Variants in ENPP3 observed in about 807,000 individuals in gnomAD.
The protein encoded by ENPP3 is ectonucleotide pyrophosphatase/phosphodiesterase 3, also known as ectonucleotide pyrophosphatase/phosphodiesterase family member 3.
ENPP3 carries 104 observed loss-of-function variants against 117.8 expected under a neutral mutation model. The ratio of observed to expected loss-of-function variants is 0.88; its 90% confidence interval spans 0.75 to 1.04. ENPP3 has a LOEUF of 1.04. Among genes scored for constraint, ENPP3 ranks in the 50% least tolerant of loss-of-function variants. ENPP3 has a pLI of 0.00. For missense variants in ENPP3, 1,026 were observed against 1,051.9 expected, an observed-to-expected ratio of 0.98 and a Z score of 0.34; for synonymous variants, 380 against 349.9, an observed-to-expected ratio of 1.09 and a Z score of -0.96.
intron 23 of ENPP3, among the ~76,000 whole-genome samples, chr6:131,739,572 G>A (rs1464507959): frequency 6.6e-6 from 1 of 150,492 alleles, no homozygotes; most frequent in African/African-American, 2.4e-5. Flanking sequence ...GGAAATGCAG[G>A]AGGCAGAATA....
intron 6 of ENPP3, among the ~76,000 whole-genome samples, chr6:131,661,842 T>C (rs1422329311): frequency 6.6e-6 from 1 of 152,248 alleles, no homozygotes; most frequent in Non-Finnish European, 1.5e-5. Context: ...CCCCATTTCA[T>C]ATGTTGCCTT....
intron 24 of ENPP3, among the ~76,000 whole-genome samples, chr6:131,744,442 T>C (rs1396555913): frequency 6.6e-6 from 1 of 152,070 alleles, no homozygotes; most frequent in Non-Finnish European, 1.5e-5. Context: ...GGGGAGAAAG[T>C]GGAAAGAAAA....
chr6:131,638,414 A>G (rs747162829), intron 1 of ENPP3: 2 of 426,600 alleles, frequency 4.7e-6, no homozygotes, highest in South Asian at 3.4e-5. Flanking sequence ...CATGTTCTCT[A>G]ATAGTCTTTT....
chr6:131,721,610 A>G (rs981790742), intron 17 of ENPP3, among the ~76,000 whole-genome samples: 4 of 149,272 alleles, frequency 2.7e-5, no homozygotes, highest in African/African-American at 1.0e-4. Context: ...TACATTTTGT[A>G]TTATGTATTT....
intron 3 of ENPP3, 127 bp from the exon 4 acceptor site, chr6:131,652,415 T>G: frequency 1.0e-6 from 1 of 999,130 alleles, no homozygotes; most frequent in Non-Finnish European, 1.5e-6. Flanking sequence ...ATTATGTATT[T>G]TCATTTATTA....
Position 131,650,036 on chromosome 6 carries a change from G to A in ENPP3, c.164G>A (p.Arg55Lys). 1 of 1,613,960 alleles carries A rather than the reference G, an allele frequency of 6.2e-7. No homozygotes were observed. The highest frequency in any genetic ancestry group is 8.5e-7 in the Non-Finnish European group (1 of 1,179,922). The change falls in exon 3 of 25, where the codon AGG becomes AAG. Residue 55 changes from arginine to lysine, a missense_variant. By Grantham distance (26) the Arg-to-Lys change is conservative. Coordinates refer to ENST00000357639, the MANE Select transcript of ENPP3 (RefSeq NM_005021.5). ...TTCCTTTACTTTGTAGGCAGCTGCA[G>A]GAAGAAGTGCTTTGATGCATCATTT... is the stretch of plus-strand genomic sequence containing the variant. ...LRKLEKQGSC[R>K]KKCFDASFRG...
Position 131,650,018 on chromosome 6 carries a change from A to G in ENPP3, c.155-9A>G, listed in dbSNP as rs763406606. 3.3e-5 allele frequency: 53 copies of G among 1,613,398 alleles called. No individual in the cohort carries two copies. The Admixed American group carries it at 8.7e-4, about 26-fold the overall frequency. On this transcript the variant is annotated splice_polypyrimidine_tract_variant and intron_variant, in intron 2 of 24. Coordinates refer to ENST00000357639, the MANE Select transcript of ENPP3 (RefSeq NM_005021.5). The stretch of plus-strand genomic sequence containing the variant: ...TAAATGTTCGGGCCCTATTTCCTTT[A>G]CTTTGTAGGCAGCTGCAGGAAGAAG...
chr6:131,724,127 T>A (rs1780097058), intron 19 of ENPP3, 36 bp downstream of exon 19: 1 of 1,462,914 alleles, frequency 6.8e-7, no homozygotes, highest in East Asian at 2.3e-5. Flanking sequence ...TCTTTGATAT[T>A]TAGACCTAAC....
At chr6:131,678,958 T>TTTCTTTCTTTCCTTCC (rs780684077) in intron 11 of ENPP3, among the ~76,000 whole-genome samples, 26 of 82,952 alleles carry the variant, frequency 3.1e-4, no homozygotes, top group Admixed American at 7.5e-4. Context: ...TCTTTCTTTC[T>TTTCTTTCTTTCCTTCC]TTCCTTCCTT....
intron 15 of ENPP3, among the ~76,000 whole-genome samples, chr6:131,715,640 A>G (rs985794817): frequency 2.0e-5 from 3 of 151,552 alleles, no homozygotes; most frequent in African/African-American, 4.9e-5. Flanking sequence ...CCACTCCACA[A>G]CCAGGCAGAT....
chr6:131,732,344 G>A (rs1322731957), intron 20 of ENPP3, among the ~76,000 whole-genome samples: 1 of 152,086 alleles, frequency 6.6e-6, no homozygotes, highest in Non-Finnish European at 1.5e-5. Flanking sequence ...CTCGAGTTAG[G>A]CAGCACATTT....
intron 21 of ENPP3, 125 bp downstream of exon 21, chr6:131,733,848 C>A: frequency 1.0e-6 from 1 of 974,564 alleles, no homozygotes. Flanking sequence ...GCCTGAGAGG[C>A]TTCCAGTGGT....
At position 131,701,268 on chromosome 6, in the gene ENPP3, A is replaced by G. The variant is rs781653671; in HGVS notation, c.1412+7644A>G. 6 of 1,486,738 alleles carry G rather than the reference A, an allele frequency of 4.0e-6. No individual in the cohort carries two copies. In the African/African-American group the frequency reaches 9.6e-5, roughly 24 times the overall value. 92.1% of individuals were successfully genotyped at this position (1,486,738 alleles called of 1,614,324 possible). A position where few individuals can be genotyped will look rare whatever the true frequency, so the allele number is the denominator to read the frequency against. On this transcript the variant is annotated intron_variant, in intron 15 of 24. Transcript: ENST00000357639. ...TCTGGAGTCCAGTGAGATGAGCCCC[A>G]GTATGGTCCCGTTCCCCAGCAGGGT...
chr6:131,668,139 G>T (rs146874777), intron 6 of ENPP3, among the ~76,000 whole-genome samples: 2 of 150,288 alleles, frequency 1.3e-5, no homozygotes, highest in African/African-American at 4.9e-5. Context: ...ATTTCATTAT[G>T]CCAGTCTTAT....
At chr6:131,695,079 T>C (rs371497547) in intron 15 of ENPP3, among the ~76,000 whole-genome samples, 110 of 152,092 alleles carry the variant, frequency 7.2e-4, no homozygotes, top group African/African-American at 2.5e-3. Context: ...GCCCTTTGTG[T>C]AGATGGGTGG....
chr6:131,658,625 G>A (rs1778435682), intron 6 of ENPP3, among the ~76,000 whole-genome samples: 1 of 152,166 alleles, frequency 6.6e-6, no homozygotes, highest in South Asian at 2.1e-4. Flanking sequence ...TTGGTGGGAT[G>A]TTCAGCCTTT....
intron 5 of ENPP3, among the ~76,000 whole-genome samples, chr6:131,656,408 A>T (rs1453906774): frequency 6.6e-6 from 1 of 152,222 alleles, no homozygotes; most frequent in African/African-American, 2.4e-5. Flanking sequence ...CTTGTTTATG[A>T]AAGTACTGTA....
Position 131,685,484 on chromosome 6 carries a change from A to C in ENPP3, c.1241A>C (p.Asp414Ala). 1 of 1,613,646 alleles carries C rather than the reference A, an allele frequency of 6.2e-7. No individual in the cohort carries two copies. The highest frequency in any genetic ancestry group is 1.1e-5 in the South Asian group (1 of 90,904). ...ATCCGAGCTCATAATATACCTCATGACTTTTTTAGTTGTAAGTATGAAGAC... is the reference window on the plus strand; with the variant it reads ...ATCCGAGCTCATAATATACCTCATGCCTTTTTTAGTTGTAAGTATGAAGAC... Reference protein sequence around the residue: ...PRIRAHNIPHDFFSFNSEEIV... With the variant: ...PRIRAHNIPHAFFSFNSEEIV... Residue 414 changes from aspartate (D) to alanine (A), a missense_variant, in exon 13 of 25, where the codon GAC (aspartate) becomes GCC (alanine). By Grantham distance (126) the Asp-to-Ala change is moderately radical. Transcript: ENST00000357639.
chr6:131,707,971 C>CT (rs1272660656), intron 15 of ENPP3, among the ~76,000 whole-genome samples: 1 of 80,768 alleles, frequency 1.2e-5, no homozygotes, highest in African/African-American at 7.9e-5. Flanking sequence ...TGTTGATTTT[C>CT]TTTTTTTTCC....
Sources: allele counts gnomAD v4.1 joint callset (sites outside exome capture counted in the v4.1 genomes callset), GRCh38; gene constraint gnomAD v4.1.1; transcripts MANE v1.5; gene names NCBI Gene and HGNC (gene_info 2026-07-23, HGNC 2026-07-21).